PFKFB4: variants seen among roughly 807,000 people sequenced by gnomAD.
PFKFB4 encodes 6-phosphofructo-2-kinase/fructose-2,6-bisphosphatase 4.
In PFKFB4, 42 loss-of-function variants were observed where a neutral mutation model predicts 62.8. The ratio of observed to expected loss-of-function variants is 0.67; its 90% CI spans 0.52 to 0.86. The LOEUF (loss-of-function observed/expected upper bound fraction) is 0.86. PFKFB4 is among the 40% of genes least tolerant of loss of function. The pLI is 0.00. For synonymous variants in PFKFB4, 204 were observed against 240.7 expected (o/e 0.85, Z 1.41); for missense variants, 475 against 627.2 (o/e 0.76, Z 2.59).
intron 13 of PFKFB4, among the ~76,000 whole-genome samples, chr3:48,520,966 CCT>C (rs2042079224): frequency 6.6e-6 from 1 of 152,198 alleles, no homozygotes; most frequent in Admixed American, 6.5e-5. Flanking sequence ...GGTACGTTCC[CCT>C]GTGACTTGTG....
intron 1 of PFKFB4, among the ~76,000 whole-genome samples, chr3:48,553,508 G>A (rs533829605): frequency 5.3e-5 from 8 of 152,268 alleles, no homozygotes. Context: ...ATAACATTGA[G>A]CATGTGCGGA....
chr3:48,530,133 G>A (rs1259421902), intron 9 of PFKFB4, among the ~76,000 whole-genome samples: 3 of 151,956 alleles, frequency 2.0e-5, no homozygotes, highest in Non-Finnish European at 4.4e-5. Context: ...CACAACTGTA[G>A]TCCCAGCTAC....
Position 48,550,236 on chromosome 3 carries a change from T to TA in PFKFB4, c.98-3dup, listed in dbSNP as rs750743880. 3 of 1,602,994 alleles carry TA rather than the reference T, an allele frequency of 1.9e-6. No individual in the cohort carries two copies. The East Asian group carries it at 6.7e-5, about 36-fold the overall frequency. On this transcript the variant is annotated splice_region_variant and splice_polypyrimidine_tract_variant and intron_variant, in intron 1 of 13. Transcript: ENST00000232375. ...GAGTTGGGCAGTTGGTCATGCACACTAAAAGGCAAGCAGCACAGTGTCAGA... is the reference window on the plus strand; with the variant it reads ...GAGTTGGGCAGTTGGTCATGCACACTAAAAAGGCAAGCAGCACAGTGTCAGA...
At chr3:48,541,019 C>T (rs1178138660) in intron 4 of PFKFB4, among the ~76,000 whole-genome samples, 1 of 151,828 alleles carries the variant, frequency 6.6e-6, no homozygotes, top group African/African-American at 2.4e-5. Flanking sequence ...TCATGATCTG[C>T]CAGCCTTGGC....
At chr3:48,526,940 C>CAAA (rs777088751) in intron 9 of PFKFB4, among the ~76,000 whole-genome samples, 1 of 65,694 alleles carries the variant, frequency 1.5e-5, no homozygotes, top group Non-Finnish European at 3.1e-5. Flanking sequence ...GACTCCATCT[C>CAAA]AAAAAAAAAA....
rs376346121 is a variant in PFKFB4, at chr3:48,556,642, G to T, written c.97+39C>A. 6.1e-6 allele frequency: 4 copies of T among 653,206 alleles called. No individual in the cohort carries two copies. In the African/African-American group the frequency reaches 6.9e-5, roughly 11 times the overall value. 40.5% of individuals were successfully genotyped at this position (653,206 alleles called of 1,614,324 possible). ...CCAGGCCGCCCTACCCACCCATCCC[G>T]GTGCACCTCCCACCTCCTCCCAGAG... On this transcript the variant is annotated intron_variant, in intron 1 of 13. Transcript: ENST00000232375. This position sits in a 1 kb window ranked among gnomAD's most constrained non-coding sequence, Gnocchi z 5.7.
intron 5 of PFKFB4, 98 bp from the exon 6 acceptor site, chr3:48,539,408 G>C: frequency 9.4e-7 from 1 of 1,065,008 alleles, no homozygotes; most frequent in South Asian, 1.3e-5. Flanking sequence ...ATCCCCTGAG[G>C]CCCATGCTGA....
At chr3:48,543,948 A>G (rs1231950017) in intron 3 of PFKFB4, among the ~76,000 whole-genome samples, 2 of 151,744 alleles carry the variant, frequency 1.3e-5, no homozygotes, top group Non-Finnish European at 2.9e-5. Context: ...TGCCACATTC[A>G]TGATTTCTAA....
At chr3:48,552,813 T>C (rs2043196248) in intron 1 of PFKFB4, among the ~76,000 whole-genome samples, 1 of 152,228 alleles carries the variant, frequency 6.6e-6, no homozygotes, top group Non-Finnish European at 1.5e-5. Flanking sequence ...TCCCATGGCA[T>C]TTGGTGGCAT....
intron 10 of PFKFB4, 78 bp from the exon 11 acceptor site, chr3:48,523,908 C>G (rs2042176272): frequency 7.0e-7 from 1 of 1,438,502 alleles, no homozygotes; most frequent in Admixed American, 1.9e-5. Flanking sequence ...ACTGGGCCAC[C>G]TTCCACTCCT....
Position 48,525,660 on chromosome 3 carries a change from C to T in PFKFB4, c.997G>A (p.Glu333Lys). Residue 333 changes from glutamate to lysine, a missense_variant, in exon 10 of 14, where the codon GAG (glutamate) becomes AAG (lysine). By Grantham distance (56) the Glu-to-Lys change is moderately conservative. Coordinates refer to ENST00000232375, the MANE Select transcript of PFKFB4 (RefSeq NM_004567.4). ...TGAATTTCCTCGTAGGTCATTTCCT[C>T]ACAGACGCCCTAGGGAGATACCACA... ...VLNEIDAGVC[E>K]EMTYEEIQDN... The T allele has an allele frequency of 3.1e-6, 5 of 1,600,562 alleles. No homozygotes were observed. The highest frequency in any genetic ancestry group is 4.3e-6 in the Non-Finnish European group (5 of 1,171,084).
At chr3:48,547,142 G>A (rs1282262458) in intron 3 of PFKFB4, among the ~76,000 whole-genome samples, 1 of 152,188 alleles carries the variant, frequency 6.6e-6, no homozygotes, top group East Asian at 1.9e-4. Context: ...AGCGTGCTCA[G>A]GTGTGTGTGT....
chr3:48,524,999 G>T (rs913597207), intron 10 of PFKFB4, among the ~76,000 whole-genome samples: 1 of 152,086 alleles, frequency 6.6e-6, no homozygotes, highest in African/African-American at 2.4e-5. Flanking sequence ...TGGAGCCACA[G>T]GAAGGACAGG....
At chr3:48,561,252 C>T (rs1037190357), upstream of PFKFB4, 2 of 337,798 alleles carry the variant, frequency 5.9e-6, no homozygotes, top group South Asian at 2.4e-5. The surrounding 1 kb of genome is among the most constrained non-coding windows in gnomAD (Gnocchi z 5.2). Context: ...AGGCCCGCCC[C>T]CACAGGGCTG....
In PFKFB4 at chr3:48,525,670, C is replaced by G. The variant is rs756049177; in HGVS notation, c.988-1G>C. 6.3e-7 allele frequency: 1 copy of G among 1,576,886 alleles called. No homozygotes were observed. Among genetic ancestry groups the G allele is most frequent in the South Asian group, 1.1e-5 (1 of 89,028 alleles). ...CGTAGGTCATTTCCTCACAGACGCC[C>G]TAGGGAGATACCACAGTCATCACAC... is the stretch of plus-strand genomic sequence containing the variant. On this transcript the variant is annotated splice_acceptor_variant, in intron 9 of 13. Transcript: ENST00000232375. LOFTEE classifies it high-confidence loss of function.
intron 4 of PFKFB4, among the ~76,000 whole-genome samples, chr3:48,542,132 G>A (rs971309406): frequency 2.0e-5 from 3 of 152,070 alleles, no homozygotes; most frequent in African/African-American, 7.2e-5. Context: ...GGATCACGAG[G>A]TCAGGAGATC....
chr3:48,559,454 C>T (rs886919013), upstream of PFKFB4: 1 of 454,196 alleles, frequency 2.2e-6, no homozygotes, highest in Non-Finnish European at 4.4e-6. Flanking sequence ...AACTCCCAGC[C>T]TTCCAGACCT....
At chr3:48,551,372 C>A (rs2043144362) in intron 1 of PFKFB4, among the ~76,000 whole-genome samples, 1 of 151,754 alleles carries the variant, frequency 6.6e-6, no homozygotes, top group East Asian at 1.9e-4. Flanking sequence ...CCTGCCACCA[C>A]ACCTGGCTAA....
chr3:48,523,573 G>A lies in PFKFB4; in HGVS notation c.1249C>T (p.Leu417=), dbSNP rs771941712. The A allele has an allele frequency of 1.2e-6, 2 of 1,614,172 alleles. No individual in the cohort carries two copies. The highest frequency in any genetic ancestry group is 1.7e-6 in the Non-Finnish European group (2 of 1,180,026). The change falls in exon 12 of 14, where the codon CTG becomes TTG. Residue 417 remains leucine (L), a synonymous_variant. Transcript: ENST00000232375. ...GGAGTCAGCTTCAGGACTGTGTGCA[G>A]CGGACACTTGAGGTAGGGCAGCTGT... The part of the protein sequence containing the change: ...AEQLPYLKCP[L]HTVLKLTPVA...
Sources: gnomAD v4.1 joint callset for allele counts (sites outside exome capture counted in the v4.1 genomes callset) on GRCh38, gnomAD v4.1.1 for gene constraint, Gnocchi (gnomAD v3.1) non-coding constraint, MANE v1.5 for transcripts, NCBI Gene and HGNC (gene_info 2026-07-23, HGNC 2026-07-21) for gene names.